EDA: variants seen among roughly 807,000 people sequenced by gnomAD.
EDA encodes ectodysplasin-A.
A neutral mutation model predicts 23.6 loss-of-function variants in EDA; 2 were observed. The observed-to-expected ratio is 0.08, with a 90% CI of 0.03 to 0.27. The LOEUF is 0.27. Ranked by LOEUF, EDA falls within the 10% of genes least tolerant of loss-of-function variation. The pLI, the probability that EDA is intolerant of heterozygous loss-of-function variation, is 1.00. For synonymous variants in EDA, 131 were observed against 132.0 expected, an observed-to-expected ratio of 0.99 and a Z score of 0.05; for missense variants, 229 against 324.2, an observed-to-expected ratio of 0.71 and a Z score of 2.26.
chrX:69,638,300 G>A (rs915743756), intron 1 of EDA, among the ~76,000 whole-genome samples: 2 of 111,764 alleles, frequency 1.8e-5, no homozygotes, highest in African/African-American at 3.2e-5. Flanking sequence ...CAAATGATGG[G>A]TCCATGACAT....
intron 1 of EDA, among the ~76,000 whole-genome samples, chrX:69,776,352 G>T (rs749216354): frequency 2.7e-5 from 3 of 111,295 alleles, no homozygotes; most frequent in Non-Finnish European, 5.7e-5. Context: ...AGGGCCAGGT[G>T]GAGATAATTG....
intron 1 of EDA, among the ~76,000 whole-genome samples, chrX:69,681,852 C>T (rs1479592763): frequency 8.9e-6 from 1 of 111,831 alleles, no homozygotes; most frequent in Non-Finnish European, 1.9e-5. Flanking sequence ...CGGCTTTGTT[C>T]CGTTGCTGGT....
intron 1 of EDA, among the ~76,000 whole-genome samples, chrX:69,775,114 C>T (rs765172787): frequency 9.0e-6 from 1 of 111,618 alleles, no homozygotes; most frequent in African/African-American, 3.2e-5. Context: ...GAAAAGTATT[C>T]CTTCTTTTTT....
Position 70,023,271 on chromosome X carries a change from C to T in EDA, c.526+30C>T, listed in dbSNP as rs745884024. Reference sequence around the variant, plus strand: ...GTTCCTGACTTTATAAAATTGCTGTCTTGTCATATATTTTCTAAAGTTAGA... The same window carrying T: ...GTTCCTGACTTTATAAAATTGCTGTTTTGTCATATATTTTCTAAAGTTAGA... On this transcript the variant is annotated intron_variant, in intron 3 of 7. Transcript: ENST00000374552. The T allele has an allele frequency of 1.3e-5, 14 of 1,052,045 alleles. 1 individual carries two copies. The South Asian group carries it at 2.9e-4, about 21-fold the overall frequency. 86.7% of individuals were successfully genotyped at this position (1,052,045 alleles called of 1,213,427 possible). A position where few individuals can be genotyped will look rare whatever the true frequency, so the allele number is the denominator to read the frequency against.
chrX:69,836,010 T>C (rs1309236742), intron 1 of EDA, among the ~76,000 whole-genome samples: 1 of 112,104 alleles, frequency 8.9e-6, no homozygotes, highest in East Asian at 2.8e-4. Context: ...GGAGGTCCAC[T>C]CCAGACCCTG....
chrX:69,864,524 C>T (rs1423998174), intron 1 of EDA, among the ~76,000 whole-genome samples: 1 of 111,694 alleles, frequency 9.0e-6, no homozygotes, highest in Non-Finnish European at 1.9e-5. Context: ...ACCAGAAAAA[C>T]AATTCTGGTA....
intron 1 of EDA, among the ~76,000 whole-genome samples, chrX:69,681,190 T>A (rs1212553130): frequency 9.8e-5 from 11 of 111,700 alleles, no homozygotes; most frequent in South Asian, 7.6e-4. Context: ...CGGAGAGATC[T>A]GCTGTTAGTC....
intron 2 of EDA, among the ~76,000 whole-genome samples, chrX:70,007,800 G>A (rs533117813): frequency 8.1e-5 from 9 of 111,352 alleles, no homozygotes; most frequent in African/African-American, 2.9e-4. Flanking sequence ...TTCTTTCATT[G>A]AAGTTTTGTA....
intron 1 of EDA, among the ~76,000 whole-genome samples, chrX:69,768,904 C>CT (rs927740504): frequency 2.7e-5 from 3 of 111,782 alleles, no homozygotes; most frequent in African/African-American, 9.7e-5. Flanking sequence ...AGTTCACAAT[C>CT]TTTTTCTAAT....
chrX:69,846,555 A>G (rs1346269294), intron 1 of EDA, among the ~76,000 whole-genome samples: 1 of 111,329 alleles, frequency 9.0e-6, no homozygotes, highest in Non-Finnish European at 1.9e-5. Flanking sequence ...TCGGCCTCCC[A>G]GAGTGCTGAG....
intron 1 of EDA, among the ~76,000 whole-genome samples, chrX:69,839,716 T>G (rs771212603): frequency 1.8e-5 from 2 of 111,473 alleles, no homozygotes; most frequent in Non-Finnish European, 3.8e-5. Context: ...GAGGGTAAGG[T>G]TGGGGAGAGG....
chrX:69,707,663 C>T (rs1413311672), intron 1 of EDA, among the ~76,000 whole-genome samples: 1 of 111,643 alleles, frequency 9.0e-6, no homozygotes, highest in African/African-American at 3.3e-5. Context: ...TCTGAGTTCA[C>T]CCATTTCTCT....
intron 1 of EDA, among the ~76,000 whole-genome samples, chrX:69,946,819 A>G (rs941433737): frequency 2.7e-5 from 3 of 111,729 alleles, no homozygotes; most frequent in South Asian, 3.8e-4. Context: ...TGCTATTAAT[A>G]GTGAAATTTT....
intron 2 of EDA, among the ~76,000 whole-genome samples, chrX:69,987,289 T>TA (rs1325490950): frequency 7.0e-5 from 6 of 86,302 alleles, no homozygotes; most frequent in Non-Finnish European, 1.1e-4. Flanking sequence ...AAAAAAAAAT[T>TA]AAAAAAAAAA....
In EDA at chrX:70,036,441, T is replaced by C. The variant is rs187975200; in HGVS notation, c.*832T>C. ...AGCCTGACTAGAACTCCTGTCTTCT[T>C]TCTCCATGGAGCCTACCTCTGTCTG... On this transcript the variant is annotated 3_prime_UTR_variant, in exon 8 of 8. Transcript: ENST00000374552. 1.2e-4 allele frequency: 14 copies of C among 112,650 alleles called. No homozygotes were observed. Among genetic ancestry groups the C allele is most frequent in the African/African-American group, 4.5e-4 (14 of 30,930 alleles). 9.3% of individuals were successfully genotyped at this position (112,650 alleles called of 1,213,427 possible). A position where few individuals can be genotyped will look rare whatever the true frequency, so the allele number is the denominator to read the frequency against.
chrX:69,827,700 C>G (rs370229994), intron 1 of EDA, among the ~76,000 whole-genome samples: 1 of 112,211 alleles, frequency 8.9e-6, no homozygotes, highest in Non-Finnish European at 1.9e-5. Context: ...TCTCTCAGCT[C>G]GTCAAAGTCA....
chrX:69,975,002 A>G (rs1196010648), intron 2 of EDA, among the ~76,000 whole-genome samples: 1 of 112,210 alleles, frequency 8.9e-6, no homozygotes, highest in East Asian at 2.8e-4. Context: ...TGGAACACTT[A>G]TGCACTGTTG....
chrX:69,694,264 T>C (rs1271455083), intron 1 of EDA, among the ~76,000 whole-genome samples: 1 of 111,885 alleles, frequency 8.9e-6, no homozygotes, highest in Non-Finnish European at 1.9e-5. Context: ...GGTGTAGCAC[T>C]GTTTATTAAA....
intron 1 of EDA, among the ~76,000 whole-genome samples, chrX:69,693,606 T>A (rs1338580542): frequency 9.0e-6 from 1 of 111,380 alleles, no homozygotes; most frequent in East Asian, 2.8e-4. Context: ...TCCAATTGAT[T>A]CGGTTAATTT....
Sources: gnomAD v4.1 joint callset for allele counts (sites outside exome capture counted in the v4.1 genomes callset) on GRCh38, gnomAD v4.1.1 for gene constraint, MANE v1.5 for transcripts, NCBI Gene and HGNC (gene_info 2026-07-23, HGNC 2026-07-21) for gene names.